The following SCARA3 variants were observed in gnomAD, a reference collection of about 807,000 sequenced individuals.
SCARA3 encodes cellular stress response gene protein.
A neutral mutation model predicts 47.0 loss-of-function variants in SCARA3; 39 were observed. The ratio of observed to expected loss-of-function variants is 0.83; its 90% CI spans 0.64 to 1.08. The LOEUF (loss-of-function observed/expected upper bound fraction) is 1.08. Among genes scored for constraint, SCARA3 ranks in the 50% least tolerant of loss-of-function variants. The probability of loss-of-function intolerance (pLI) is 0.00; values close to 1 mark genes in which losing one functional copy is unlikely to be tolerated. For synonymous variants in SCARA3, 356 were observed against 334.1 expected (o/e 1.07, Z -0.71); for missense variants, 724 against 792.3 (o/e 0.91, Z 1.04).
At chr8:27,633,528 G>A (rs1373937963), upstream of SCARA3, among the ~76,000 whole-genome samples, 1 of 152,184 alleles carries the variant, frequency 6.6e-6, no homozygotes, top group Non-Finnish European at 1.5e-5. Context: ...AAAATCTGGG[G>A]TCCCCACCCC....
chr8:27,712,101 A>G, the SCARA3 span, among the ~76,000 whole-genome samples: 1 of 152,216 alleles, frequency 6.6e-6, no homozygotes, highest in Non-Finnish European at 1.5e-5. Context: ...ACTTTCCTAA[A>G]AATCCTGTGT....
the SCARA3 span, among the ~76,000 whole-genome samples, chr8:27,687,102 C>A: frequency 1.3e-5 from 2 of 152,198 alleles, no homozygotes; most frequent in Non-Finnish European, 2.9e-5. Flanking sequence ...AATGATAATA[C>A]CACCTTGATT....
chr8:27,653,905 T>C (rs1157889423), intron 3 of SCARA3, among the ~76,000 whole-genome samples: 1 of 152,176 alleles, frequency 6.6e-6, no homozygotes, highest in African/African-American at 2.4e-5. Context: ...TCAGGTTACA[T>C]ACAATCTTTG....
the SCARA3 span, among the ~76,000 whole-genome samples, chr8:27,730,788 G>T: frequency 6.6e-6 from 1 of 151,878 alleles, no homozygotes; most frequent in South Asian, 2.1e-4. Flanking sequence ...ACTGCCCCTG[G>T]CTGCCTTTGA....
intron 5 of SCARA3, among the ~76,000 whole-genome samples, chr8:27,659,771 G>A (rs1306340067): frequency 7.2e-5 from 10 of 138,790 alleles, no homozygotes; most frequent in Non-Finnish European, 1.5e-5. Context: ...GATCACTTGA[G>A]CCCAGGAGTT....
rs767611356 is a variant in SCARA3, at chr8:27,658,530, T to G, written c.360T>G (p.His120Gln). Residue 120 changes from histidine (H) to glutamine (Q), a missense_variant, in exon 5 of 6, where the codon CAT becomes CAG. By Grantham distance (24) the His-to-Gln change is conservative. Coordinates refer to ENST00000301904, the MANE Select transcript of SCARA3 (RefSeq NM_016240.3). Reference sequence around the variant, plus strand: ...CCCTGAACAACTGCTCTTTCTGCCATGAAGCTGGGCAGCTGGGGCCAGAGA... The same window carrying G: ...CCCTGAACAACTGCTCTTTCTGCCAGGAAGCTGGGCAGCTGGGGCCAGAGA... ...PKALNNCSFC[H>Q]EAGQLGPEIR... 1 of 1,612,246 alleles carries G rather than the reference T, an allele frequency of 6.2e-7. No individual in the cohort carries two copies.
At position 27,667,704 on chromosome 8, in the gene SCARA3, T is replaced by TC. The variant is rs1337668778; in HGVS notation, c.1370-3194dup. ...TCACTGCTCTCATGTCCCTCCCTTCTCCACCCTGTGGGAGATTCAAGAAGG... is the reference window on the plus strand; with the variant it reads ...TCACTGCTCTCATGTCCCTCCCTTCTCCCACCCTGTGGGAGATTCAAGAAGG... On this transcript the variant is annotated intron_variant, in intron 5 of 5. Transcript: ENST00000301904. Among the ~76,000 whole-genome samples the TC allele has an allele frequency of 1.3e-4, 20 of 152,242 alleles. No homozygotes were observed. The South Asian group carries it at 2.5e-3, about 19-fold the overall frequency.
chr8:27,638,615 A>G (rs1317249754), intron 1 of SCARA3, among the ~76,000 whole-genome samples: 1 of 152,174 alleles, frequency 6.6e-6, no homozygotes, highest in Non-Finnish European at 1.5e-5. Flanking sequence ...GTAAACATGC[A>G]GAAAGATGCC....
rs555661539 is a variant in SCARA3, at chr8:27,657,396, G to T, written c.325+516G>T. 7.4e-5 allele frequency among the ~76,000 whole-genome samples: 11 copies of T among 149,480 alleles called. No individual in the cohort carries two copies. In the South Asian group the frequency reaches 2.4e-3, roughly 32 times the overall value. On this transcript the variant is annotated intron_variant, in intron 4 of 5. Transcript: ENST00000301904. ...TTATATTGCGTGACACTGAGGTTTG[G>T]GGGGGTAGAAATGATCCTGTCACCC...
At chr8:27,647,689 G>T (rs901996566) in intron 1 of SCARA3, among the ~76,000 whole-genome samples, 1 of 152,196 alleles carries the variant, frequency 6.6e-6, no homozygotes, top group African/African-American at 2.4e-5. Flanking sequence ...AGCATGTGAG[G>T]TGTGGGCAAC....
intron 1 of SCARA3, among the ~76,000 whole-genome samples, chr8:27,648,937 A>C (rs891994282): frequency 1.1e-4 from 16 of 151,324 alleles, no homozygotes; most frequent in African/African-American, 3.9e-4. Flanking sequence ...GGAAAGAGGT[A>C]AGGAAAGGAG....
At chr8:27,654,810 A>AAAAAAAAG (rs1801709640) in intron 3 of SCARA3, among the ~76,000 whole-genome samples, 1 of 151,138 alleles carries the variant, frequency 6.6e-6, no homozygotes, top group African/African-American at 2.5e-5. Context: ...AAAGAAAAAG[A>AAAAAAAAG]AAAAAAGAAA....
chr8:27,675,334 G>GGGCTGGGCTA (rs1802257494), downstream of SCARA3, among the ~76,000 whole-genome samples: 2 of 152,230 alleles, frequency 1.3e-5, no homozygotes, highest in African/African-American at 4.8e-5. Flanking sequence ...CTTTCCAGTG[G>GGGCTGGGCTA]GGCTGGGCTA....
the SCARA3 span, among the ~76,000 whole-genome samples, chr8:27,718,061 C>T: frequency 3.3e-5 from 5 of 152,258 alleles, no homozygotes; most frequent in African/African-American, 1.2e-4. Flanking sequence ...ATGGCCTTAT[C>T]TCATTTCATG....
intron 5 of SCARA3, among the ~76,000 whole-genome samples, chr8:27,669,630 T>C (rs1484599953): frequency 6.6e-6 from 1 of 152,234 alleles, no homozygotes; most frequent in African/African-American, 2.4e-5. Flanking sequence ...GCAGGCCACG[T>C]GAGCCATGCA....
chr8:27,677,388 T>G (rs73231065), downstream of SCARA3, among the ~76,000 whole-genome samples: 12,840 of 152,236 alleles, frequency 0.084, 620 homozygotes, highest in East Asian at 0.22. Flanking sequence ...TATCTGCACA[T>G]ACTTCCCCTT....
At chr8:27,733,829 C>T in the SCARA3 span, 3 of 152,188 alleles carry the variant, frequency 2.0e-5, no homozygotes, top group Admixed American at 6.5e-5. Context: ...ACGGTTCCAG[C>T]TTGGAAAACA....
rs1802193493 is a variant in SCARA3, at chr8:27,672,586, C to T, written c.*1235C>T. 4 of 985,540 alleles carry T rather than the reference C, an allele frequency of 4.1e-6. No individual in the cohort carries two copies. The highest frequency in any genetic ancestry group is 1.7e-5 in the African/African-American group (1 of 57,254). The allele number at this position is 985,540 out of a possible 1,614,324, so 61.0% of individuals were successfully genotyped here. A position where few individuals can be genotyped will look rare whatever the true frequency, so the allele number is the denominator to read the frequency against. ...CACCGGGACCCACAATGGCCCGAGC[C>T]CTCTTTGCATGGGCAGCCAGCTGGA... On this transcript the variant is annotated 3_prime_UTR_variant, in exon 6 of 6. Transcript: ENST00000301904.
chr8:27,726,285 G>A, the SCARA3 span, among the ~76,000 whole-genome samples: 4 of 152,054 alleles, frequency 2.6e-5, no homozygotes, highest in African/African-American at 9.7e-5. Flanking sequence ...GTGCATCTGT[G>A]GTCACAGCTA....
Sources: allele counts gnomAD v4.1 joint callset (sites outside exome capture counted in the v4.1 genomes callset), GRCh38; gene constraint gnomAD v4.1.1; transcripts MANE v1.5; gene names NCBI Gene and HGNC (gene_info 2026-07-23, HGNC 2026-07-21).